CDH13: variants seen among roughly 807,000 people sequenced by gnomAD.
CDH13 encodes the protein cadherin-13.
CDH13 carries 24 observed loss-of-function variants against 63.8 expected under a neutral mutation model. That is an observed-to-expected ratio of 0.38 (90% CI 0.27 to 0.53). The LOEUF (loss-of-function observed/expected upper bound fraction) is 0.53, where lower values mean the gene tolerates loss of function less well. CDH13 is among the 20% of genes least tolerant of loss of function. CDH13 has a pLI of 0.85. For synonymous variants in CDH13, 503 were observed against 355.3 expected (o/e 1.42, Z -4.67); for missense variants, 1,049 against 903.1 (o/e 1.16, Z -2.07).
At chr16:82,931,299 TAACA>T (rs1475321860) in intron 2 of CDH13, among the ~76,000 whole-genome samples, 3 of 152,202 alleles carry the variant, frequency 2.0e-5, no homozygotes, top group South Asian at 2.1e-4. Context: ...GCGTGTCTGA[TAACA>T]AACAAACAAA....
chr16:82,738,800 C>T (rs2033802998), intron 1 of CDH13, among the ~76,000 whole-genome samples: 1 of 152,146 alleles, frequency 6.6e-6, no homozygotes, highest in Non-Finnish European at 1.5e-5. Context: ...CTTGGTGGTT[C>T]CTTTTATCTC....
chr16:82,849,325 A>C (rs1265387389), intron 1 of CDH13, among the ~76,000 whole-genome samples: 2 of 152,134 alleles, frequency 1.3e-5, no homozygotes, highest in Admixed American at 6.6e-5. Context: ...AACATGGTGA[A>C]GCCCTGTCTC....
intron 5 of CDH13, among the ~76,000 whole-genome samples, chr16:83,325,232 C>T (rs935116915): frequency 6.6e-6 from 1 of 152,108 alleles, no homozygotes; most frequent in African/African-American, 2.4e-5. Flanking sequence ...AACCAAAAGT[C>T]TCACACTGAA....
Position 82,627,076 on chromosome 16 carries a change from G to GCTT in CDH13, c.-14_-12dup. 6.3e-7 allele frequency: 1 copy of GCTT among 1,593,356 alleles called. No individual in the cohort carries two copies. ...TGCATGAATGAAAACGCCGCCGGGC[G>GCTT]CTTCTAGTCGGACAAAATGCAGCCG... On this transcript the variant is annotated 5_prime_UTR_variant, in exon 1 of 14. An upstream open reading frame in the 5' UTR loses its in-frame stop. Transcript: ENST00000567109.
chr16:82,778,287 C>T (rs1294512225), intron 1 of CDH13, among the ~76,000 whole-genome samples: 2 of 152,064 alleles, frequency 1.3e-5, no homozygotes, highest in Non-Finnish European at 2.9e-5. Flanking sequence ...TTTGAAAAAC[C>T]TGAGTTTATT....
At position 83,047,328 on chromosome 16, in the gene CDH13, C is replaced by G; in HGVS notation, c.366+15110C>G. 6.6e-6 allele frequency among the ~76,000 whole-genome samples: 1 copy of G among 152,144 alleles called. No individual in the cohort carries two copies. The highest frequency in any genetic ancestry group is 2.4e-5 in the African/African-American group (1 of 41,432). On this transcript the variant is annotated intron_variant, in intron 3 of 13. Transcript: ENST00000567109. This position sits in a 1 kb window ranked among gnomAD's most constrained non-coding sequence, Gnocchi z 4.9. ...GCATTATTTCTGTCCTTGCATTGTC[C>G]ATTCTCGTAAACCGTGGTTAACACA...
chr16:82,761,813 G>T (rs1349479123), intron 1 of CDH13, among the ~76,000 whole-genome samples: 1 of 152,098 alleles, frequency 6.6e-6, no homozygotes, highest in African/African-American at 2.4e-5. Context: ...ATGTCTAAAA[G>T]ATTTTTTTAT....
intron 3 of CDH13, among the ~76,000 whole-genome samples, chr16:83,066,456 C>T (rs967440941): frequency 7.2e-5 from 11 of 152,098 alleles, no homozygotes; most frequent in East Asian, 1.9e-4. Flanking sequence ...GCCTTCTGAC[C>T]GAGGACCTCC....
intron 2 of CDH13, among the ~76,000 whole-genome samples, chr16:82,939,292 G>A (rs2045543098): frequency 1.3e-5 from 2 of 152,062 alleles, no homozygotes; most frequent in African/African-American, 4.8e-5. Flanking sequence ...GTGTGCTGGT[G>A]TGCACCTGTA....
intron 5 of CDH13, among the ~76,000 whole-genome samples, chr16:83,225,889 G>A (rs1463772165): frequency 6.6e-6 from 1 of 152,156 alleles, no homozygotes; most frequent in Non-Finnish European, 1.5e-5. Context: ...AACCAGCTAG[G>A]TGTGTGTTTG....
At chr16:83,210,643 G>A (rs2039312835) in intron 4 of CDH13, among the ~76,000 whole-genome samples, 1 of 152,030 alleles carries the variant, frequency 6.6e-6, no homozygotes, top group Non-Finnish European at 1.5e-5. Flanking sequence ...GGTTGGCAGA[G>A]TGTGGGAGGA....
In CDH13 at chr16:83,563,277, G is replaced by A. The variant is rs138849748; in HGVS notation, c.961-39177G>A. Among the ~76,000 whole-genome samples the A allele has an allele frequency of 7.2e-3, 1,102 of 152,260 alleles. 11 individuals carry two copies. Among genetic ancestry groups the A allele is most frequent in the African/African-American group, 0.024 (1,013 of 41,534 alleles). On this transcript the variant is annotated intron_variant, in intron 7 of 13. Coordinates refer to ENST00000567109, the MANE Select transcript of CDH13 (RefSeq NM_001257.5). The stretch of plus-strand genomic sequence containing the variant: ...TGACTTTGTGCAAGATTATTAACTC[G>A]GAGTGAATGGCTATTCTTTTTGGAG...
intron 2 of CDH13, among the ~76,000 whole-genome samples, chr16:83,010,577 T>A (rs1309739786): frequency 1.3e-5 from 2 of 152,194 alleles, no homozygotes; most frequent in Non-Finnish European, 2.9e-5. Flanking sequence ...TTTTCTTTCC[T>A]TTCCACTTTG....
chr16:83,120,389 T>C (rs1237766183), intron 3 of CDH13, among the ~76,000 whole-genome samples: 1 of 152,180 alleles, frequency 6.6e-6, no homozygotes, highest in Admixed American at 6.5e-5. Flanking sequence ...CACCCATTTG[T>C]GGGTATGAAA....
chr16:82,881,731 A>G (rs1388650612), intron 2 of CDH13, among the ~76,000 whole-genome samples: 1 of 152,130 alleles, frequency 6.6e-6, no homozygotes, highest in East Asian at 1.9e-4. Flanking sequence ...GCCCTTGGAG[A>G]CAGACACCCA....
intron 4 of CDH13, among the ~76,000 whole-genome samples, chr16:83,213,938 C>A (rs2039415481): frequency 6.6e-6 from 1 of 152,088 alleles, no homozygotes; most frequent in Non-Finnish European, 1.5e-5. Flanking sequence ...AATCTGCACT[C>A]TGTGGCTCGC....
intron 6 of CDH13, among the ~76,000 whole-genome samples, chr16:83,418,009 G>A (rs1345171454): frequency 6.6e-6 from 1 of 151,770 alleles, no homozygotes; most frequent in African/African-American, 2.4e-5. Flanking sequence ...TGTCTTTTCT[G>A]TTGAAGCCCT....
intron 6 of CDH13, among the ~76,000 whole-genome samples, chr16:83,426,634 A>G (rs1228968812): frequency 6.6e-6 from 1 of 152,046 alleles, no homozygotes; most frequent in Admixed American, 6.6e-5. Context: ...AGGGGAATCC[A>G]ACATGGACTG....
At chr16:82,751,211 G>C (rs1455328875) in intron 1 of CDH13, among the ~76,000 whole-genome samples, 1 of 152,194 alleles carries the variant, frequency 6.6e-6, no homozygotes, top group Non-Finnish European at 1.5e-5. Flanking sequence ...CAGATTCATG[G>C]GCTTGCAACA....
Sources: allele counts gnomAD v4.1 joint callset (sites outside exome capture counted in the v4.1 genomes callset), GRCh38; gene constraint gnomAD v4.1.1; non-coding constraint Gnocchi (gnomAD v3.1); transcripts MANE v1.5; gene names NCBI Gene and HGNC (gene_info 2026-07-23, HGNC 2026-07-21).